Variants in SUPT3H observed in about 807,000 individuals in gnomAD.
The protein encoded by SUPT3H is transcription initiation protein SPT3 homolog.
A neutral mutation model predicts 44.3 loss-of-function variants in SUPT3H; 44 were observed. That is an observed-to-expected ratio of 0.99 (90% CI 0.78 to 1.28). SUPT3H has a LOEUF of 1.28. SUPT3H is among the 50% of genes most tolerant of loss of function. The pLI, the probability that SUPT3H is intolerant of heterozygous loss-of-function variation, is 0.00. For synonymous variants in SUPT3H, 124 were observed against 125.6 expected (o/e 0.99, Z 0.09); for missense variants, 380 against 387.1 (o/e 0.98, Z 0.15).
chr6:44,815,810 A>G (rs1487055971), intron 11 of SUPT3H, among the ~76,000 whole-genome samples: 1 of 151,988 alleles, frequency 6.6e-6, no homozygotes, highest in Non-Finnish European at 1.5e-5. Context: ...ACTGAATAAC[A>G]CTGTTAGGTT....
At chr6:45,297,578 T>G (rs889030858) in intron 2 of SUPT3H, among the ~76,000 whole-genome samples, 3 of 152,256 alleles carry the variant, frequency 2.0e-5, no homozygotes, top group African/African-American at 4.8e-5. Context: ...CTAACACATT[T>G]ATTTTAAATC....
chr6:45,309,972 A>G (rs1783695009), intron 2 of SUPT3H, among the ~76,000 whole-genome samples: 1 of 152,186 alleles, frequency 6.6e-6, no homozygotes, highest in Admixed American at 6.5e-5. Context: ...GAACCTCTGA[A>G]GAAAGCGGAC....
chr6:44,864,470 A>G (rs111284862), intron 10 of SUPT3H, among the ~76,000 whole-genome samples: 88 of 152,320 alleles, frequency 5.8e-4, no homozygotes, highest in Non-Finnish European at 1.0e-3. Context: ...GAGGTTCTCC[A>G]TGAGAGCCCC....
chr6:45,368,460 G>T (rs941318047), intron 1 of SUPT3H, among the ~76,000 whole-genome samples: 12 of 152,130 alleles, frequency 7.9e-5, no homozygotes, highest in African/African-American at 2.9e-4. Context: ...TAATTGTAGT[G>T]AAGTTAATCA....
At chr6:44,985,201 AAAT>A (rs1158351859) in intron 6 of SUPT3H, among the ~76,000 whole-genome samples, 26 of 45,734 alleles carry the variant, frequency 5.7e-4, no homozygotes, top group Admixed American at 5.2e-3. Context: ...ATAAATAAAT[AAAT>A]AAATAAATAA....
intron 2 of SUPT3H, among the ~76,000 whole-genome samples, chr6:45,184,407 T>C (rs1813815162): frequency 6.6e-6 from 1 of 152,098 alleles, no homozygotes; most frequent in Non-Finnish European, 1.5e-5. Context: ...ATGTCCAAAT[T>C]GATGAAAATC....
intron 2 of SUPT3H, among the ~76,000 whole-genome samples, chr6:45,331,657 T>C (rs538246592): frequency 6.6e-6 from 1 of 152,116 alleles, no homozygotes; most frequent in South Asian, 2.1e-4. Context: ...TTTTAGTTTT[T>C]ATTTTTAAAA....
intron 3 of SUPT3H, among the ~76,000 whole-genome samples, chr6:45,022,413 C>T (rs959201645): frequency 4.9e-5 from 2 of 40,714 alleles, no homozygotes; most frequent in Non-Finnish European, 8.6e-5. Flanking sequence ...TTTGGAATCA[C>T]TGTTTTTTTT....
downstream of SUPT3H, among the ~76,000 whole-genome samples, chr6:44,823,593 A>G (rs1767515420): frequency 6.6e-6 from 1 of 152,208 alleles, no homozygotes; most frequent in Non-Finnish European, 1.5e-5. Context: ...GTAGTTTTGC[A>G]TCTGACTCCC....
At chr6:45,171,144 T>C (rs1810700356) in intron 2 of SUPT3H, among the ~76,000 whole-genome samples, 1 of 152,238 alleles carries the variant, frequency 6.6e-6, no homozygotes, top group Non-Finnish European at 1.5e-5. Flanking sequence ...TTCTACTAAC[T>C]GTCCAAATTT....
intron 2 of SUPT3H, among the ~76,000 whole-genome samples, chr6:45,322,629 C>T (rs960384234): frequency 3.9e-5 from 6 of 152,000 alleles, no homozygotes; most frequent in African/African-American, 1.4e-4. Flanking sequence ...ATAAGTTATA[C>T]ACAAGGCCTA....
rs1767975440 is a variant in SUPT3H, at chr6:44,828,133, A to G, written c.*1683T>C. ...AATTATCCCCTGAAAATTTTATACCATCTATAAGCCTGGCAGATCAAAACC... is the reference window on the plus strand; with the variant it reads ...AATTATCCCCTGAAAATTTTATACCGTCTATAAGCCTGGCAGATCAAAACC... On this transcript the variant is annotated 3_prime_UTR_variant, in exon 11 of 11. Coordinates refer to ENST00000371459, the MANE Select transcript of SUPT3H (RefSeq NM_003599.4). Among the ~76,000 whole-genome samples, 1 of 152,182 alleles carries G rather than the reference A, an allele frequency of 6.6e-6. No individual in the cohort carries two copies. Among genetic ancestry groups the G allele is most frequent in the Non-Finnish European group, 1.5e-5 (1 of 68,000 alleles).
intron 10 of SUPT3H, among the ~76,000 whole-genome samples, chr6:44,903,195 G>T (rs1335585166): frequency 6.6e-6 from 1 of 151,002 alleles, no homozygotes; most frequent in East Asian, 1.9e-4. Flanking sequence ...CAGGACTGAA[G>T]GAGATAGAGA....
intron 6 of SUPT3H, among the ~76,000 whole-genome samples, chr6:44,966,651 T>C (rs1031678943): frequency 2.6e-5 from 4 of 152,128 alleles, no homozygotes; most frequent in Non-Finnish European, 4.4e-5. Flanking sequence ...CTAGATCATA[T>C]TACTTGTAAT....
At position 45,264,385 on chromosome 6, in the gene SUPT3H, C is replaced by G. The variant is rs992597092; in HGVS notation, c.101+100816G>C. Among the ~76,000 whole-genome samples, 70 of 152,086 alleles carry G rather than the reference C, an allele frequency of 4.6e-4. 1 individual carries two copies. The highest frequency in any genetic ancestry group is 1.5e-5 in the Non-Finnish European group (1 of 68,004). ...AACTTCCTCAAGAAAACTGGCTGGG[C>G]ACGGTGGCTCACGCCTGTAATCCTA... is the stretch of plus-strand genomic sequence containing the variant. On this transcript the variant is annotated intron_variant, in intron 2 of 10. Transcript: ENST00000371459.
chr6:44,910,314 T>C (rs1168775893), intron 10 of SUPT3H, among the ~76,000 whole-genome samples: 2 of 152,222 alleles, frequency 1.3e-5, no homozygotes, highest in East Asian at 3.8e-4. Flanking sequence ...TCTCTTATCT[T>C]CTCCCAAGGT....
At position 44,843,390 on chromosome 6, in the gene SUPT3H, C is replaced by T. The variant is rs543484427; in HGVS notation, c.913-13533G>A. Among the ~76,000 whole-genome samples the T allele has an allele frequency of 2.4e-4, 36 of 152,166 alleles. 1 individual carries two copies. In the South Asian group the frequency reaches 7.3e-3, roughly 31 times the overall value. On this transcript the variant is annotated intron_variant, in intron 10 of 10. Coordinates refer to ENST00000371459, the MANE Select transcript of SUPT3H (RefSeq NM_003599.4). ...CACTGCACCTATTTCACCATTAATA[C>T]CAGCTGAAATAAGGAAAGAAAACAA...
intron 2 of SUPT3H, among the ~76,000 whole-genome samples, chr6:45,350,645 T>C (rs1791822031): frequency 1.3e-5 from 2 of 152,154 alleles, no homozygotes; most frequent in South Asian, 4.1e-4. Context: ...TTTCTAAAAA[T>C]AATTTCTGGC....
chr6:44,967,248 G>C (rs1330473685), intron 6 of SUPT3H, among the ~76,000 whole-genome samples: 2 of 152,106 alleles, frequency 1.3e-5, no homozygotes, highest in East Asian at 1.9e-4. Context: ...AGAATAGTTG[G>C]TGACTAGTTG....
Sources: gnomAD v4.1 joint callset for allele counts (sites outside exome capture counted in the v4.1 genomes callset) on GRCh38, gnomAD v4.1.1 for gene constraint, MANE v1.5 for transcripts, NCBI Gene and HGNC (gene_info 2026-07-23, HGNC 2026-07-21) for gene names.